The following KCNK10 variants were observed in gnomAD, a reference collection of about 807,000 sequenced individuals.
KCNK10 encodes the protein potassium two pore domain channel subfamily K member 10, also known as potassium channel subfamily K member 10.
A neutral mutation model predicts 47.7 loss-of-function variants in KCNK10; 25 were observed. The observed-to-expected ratio is 0.52, with a 90% CI of 0.38 to 0.73. The LOEUF (loss-of-function observed/expected upper bound fraction) is 0.73, where lower values mean the gene tolerates loss of function less well. Among genes scored for constraint, KCNK10 ranks in the 30% least tolerant of loss-of-function variants. KCNK10 has a pLI of 0.00. For synonymous variants in KCNK10, 303 were observed against 285.6 expected (o/e 1.06, Z -0.61); for missense variants, 563 against 714.5 (o/e 0.79, Z 2.42).
At chr14:88,222,756 A>G (rs1885858423) in intron 4 of KCNK10, among the ~76,000 whole-genome samples, 1 of 152,176 alleles carries the variant, frequency 6.6e-6, no homozygotes, top group Admixed American at 6.6e-5. Context: ...ATTTCCTGAT[A>G]TGAGGTTGGG....
At chr14:88,283,472 A>C (rs550799735) in intron 1 of KCNK10, among the ~76,000 whole-genome samples, 23 of 152,338 alleles carry the variant, frequency 1.5e-4, no homozygotes, top group Admixed American at 3.3e-4. Flanking sequence ...ATACCGATAC[A>C]GCTTACAGGC....
At chr14:88,242,786 C>T (rs1320444424) in intron 2 of KCNK10, among the ~76,000 whole-genome samples, 1 of 152,178 alleles carries the variant, frequency 6.6e-6, no homozygotes, top group Non-Finnish European at 1.5e-5. Flanking sequence ...CAGACCAAGC[C>T]ACAAAGCCTT....
intron 2 of KCNK10, among the ~76,000 whole-genome samples, chr14:88,243,372 G>A (rs1442712508): frequency 1.3e-5 from 2 of 152,166 alleles, no homozygotes; most frequent in Non-Finnish European, 2.9e-5. Context: ...ACTTGTCCTA[G>A]GTCACCCAGC....
At chr14:88,309,111 C>T (rs926949725) in intron 1 of KCNK10, among the ~76,000 whole-genome samples, 1 of 152,148 alleles carries the variant, frequency 6.6e-6, no homozygotes, top group Admixed American at 6.5e-5. Flanking sequence ...GTGCCTGTCA[C>T]GAAGAAGACT....
upstream of KCNK10, chr14:88,326,464 G>C (rs771728638): frequency 1.2e-6 from 2 of 1,612,764 alleles, no homozygotes; most frequent in Admixed American, 1.7e-5. Flanking sequence ...ATCCAAGAAA[G>C]ATGCCGCTCC....
At chr14:88,242,510 G>A (rs532042340) in intron 2 of KCNK10, among the ~76,000 whole-genome samples, 27 of 152,292 alleles carry the variant, frequency 1.8e-4, no homozygotes, top group African/African-American at 5.5e-4. Flanking sequence ...CTGTCAAGTC[G>A]TGAGTCTATT....
chr14:88,263,557 G>A lies in KCNK10; in HGVS notation c.53-6C>T. ...TGCTGCTGCGGGAACGGCCACTGAGGAGTCAGGGTGGGGGACAAAGAAGAA... is the reference window on the plus strand; with the variant it reads ...TGCTGCTGCGGGAACGGCCACTGAGAAGTCAGGGTGGGGGACAAAGAAGAA... On this transcript the variant is annotated splice_polypyrimidine_tract_variant and splice_region_variant and intron_variant, in intron 1 of 6. Transcript: ENST00000319231. The A allele has an allele frequency of 6.2e-7, 1 of 1,606,974 alleles. No individual in the cohort carries two copies. The highest frequency in any genetic ancestry group is 8.5e-7 in the Non-Finnish European group (1 of 1,177,964).
At chr14:88,306,160 C>T (rs1478833481) in intron 1 of KCNK10, among the ~76,000 whole-genome samples, 2 of 152,226 alleles carry the variant, frequency 1.3e-5, no homozygotes, top group Non-Finnish European at 2.9e-5. Flanking sequence ...GAAAGTCTTA[C>T]ATAAACCCAG....
intron 1 of KCNK10, among the ~76,000 whole-genome samples, chr14:88,321,203 G>C (rs1352631537): frequency 3.9e-5 from 6 of 152,130 alleles, no homozygotes; most frequent in Non-Finnish European, 4.4e-5. Flanking sequence ...CTTTGCACTT[G>C]CTGTTCCCTC....
intron 1 of KCNK10, among the ~76,000 whole-genome samples, chr14:88,283,856 G>A (rs1020843743): frequency 6.6e-6 from 1 of 152,140 alleles, no homozygotes; most frequent in Non-Finnish European, 1.5e-5. Context: ...AGAGGTTGCA[G>A]TGAGCTGAGA....
intron 1 of KCNK10, among the ~76,000 whole-genome samples, chr14:88,314,129 G>A (rs1266145963): frequency 6.6e-6 from 1 of 152,186 alleles, no homozygotes; most frequent in Non-Finnish European, 1.5e-5. Flanking sequence ...ACAGTGTTAT[G>A]GTCTGAATGT....
At chr14:88,226,291 A>C (rs1393261542) in intron 4 of KCNK10, among the ~76,000 whole-genome samples, 1 of 152,196 alleles carries the variant, frequency 6.6e-6, no homozygotes, top group Non-Finnish European at 1.5e-5. Context: ...CTTTTTAAAA[A>C]GCCTCTGAAA....
chr14:88,254,238 C>T (rs1259372421), intron 2 of KCNK10, among the ~76,000 whole-genome samples: 1 of 152,172 alleles, frequency 6.6e-6, no homozygotes, highest in Non-Finnish European at 1.5e-5. Flanking sequence ...AACCTGCTCA[C>T]TCTGAGGGGA....
intron 1 of KCNK10, among the ~76,000 whole-genome samples, chr14:88,294,816 T>C (rs1460062463): frequency 2.0e-5 from 3 of 152,198 alleles, no homozygotes; most frequent in African/African-American, 4.8e-5. Flanking sequence ...AAGGGCACGG[T>C]CCCAACCTTC....
At position 88,184,598 on chromosome 14, in the gene KCNK10, G is replaced by C. The variant is rs1476712448; in HGVS notation, c.*937C>G. The stretch of plus-strand genomic sequence containing the variant: ...CTACTTTTGTAAAAATGTAGGATCA[G>C]CTAGACAGAACAGCAAGCCACTGGC... On this transcript the variant is annotated 3_prime_UTR_variant, in exon 7 of 7. Transcript: ENST00000319231. The C allele has an allele frequency of 1.3e-5, 2 of 152,366 alleles. No homozygotes were observed. The highest frequency in any genetic ancestry group is 1.3e-4 in the Admixed American group (2 of 15,290). 9.4% of individuals were successfully genotyped at this position (152,366 alleles called of 1,614,324 possible). A position where few individuals can be genotyped will look rare whatever the true frequency, so the allele number is the denominator to read the frequency against.
chr14:88,304,438 T>C (rs775106224), intron 1 of KCNK10, among the ~76,000 whole-genome samples: 5 of 152,278 alleles, frequency 3.3e-5, no homozygotes, highest in Admixed American at 6.5e-5. Context: ...TTCTACGTGT[T>C]AAAATTTATT....
At position 88,239,223 on chromosome 14, in the gene KCNK10, A is replaced by T. The variant is rs111434962; in HGVS notation, c.520+1480T>A. On this transcript the variant is annotated intron_variant, in intron 3 of 6. Coordinates refer to ENST00000319231, the MANE Select transcript of KCNK10 (RefSeq NM_138317.3). ...AATTTGTTTAAAAAAAAAAAACTCA[A>T]CATCTTCAAAGCACAATAAAGCAAA... 9.3e-3 allele frequency among the ~76,000 whole-genome samples: 1,419 copies of T among 152,246 alleles called. 29 individuals are homozygous for T. The highest frequency in any genetic ancestry group is 0.033 in the African/African-American group (1,352 of 41,538).
In KCNK10 at chr14:88,322,408, G is replaced by GACACACACAC. The variant is rs35179933; in HGVS notation, c.52+329_52+338dup. On this transcript the variant is annotated intron_variant, in intron 1 of 6. Transcript: ENST00000319231. The surrounding 1 kb of genome is among the most constrained non-coding windows in gnomAD (Gnocchi z 4.8). ...GAGACAAAGATCACCAGAAACAAAG[G>GACACACACAC]ACACACACACACACACACACACACA... Among the ~76,000 whole-genome samples the GACACACACAC allele has an allele frequency of 1.2e-4, 18 of 150,034 alleles. No homozygotes were observed. The highest frequency in any genetic ancestry group is 4.2e-4 in the African/African-American group (17 of 40,658).
chr14:88,243,609 C>G (rs1184722775), intron 2 of KCNK10, among the ~76,000 whole-genome samples: 1 of 152,098 alleles, frequency 6.6e-6, no homozygotes, highest in African/African-American at 2.4e-5. Flanking sequence ...ATGGAGACAC[C>G]AAACTTCACT....
Sources: gnomAD v4.1 joint callset for allele counts (sites outside exome capture counted in the v4.1 genomes callset) on GRCh38, gnomAD v4.1.1 for gene constraint, Gnocchi (gnomAD v3.1) non-coding constraint, MANE v1.5 for transcripts, NCBI Gene and HGNC (gene_info 2026-07-23, HGNC 2026-07-21) for gene names.